TNFSF4: variants seen among roughly 807,000 people sequenced by gnomAD.
TNFSF4 encodes the protein tumor necrosis factor ligand superfamily member 4.
Under a neutral mutation model 7.3 loss-of-function variants are expected in TNFSF4, and 4 were observed. That is an observed-to-expected ratio of 0.55 (90% CI 0.27 to 1.25). The LOEUF is 1.25. TNFSF4 is among the 50% of genes most tolerant of loss of function. The pLI is 0.12. For synonymous variants in TNFSF4, 76 were observed against 83.7 expected, an observed-to-expected ratio of 0.91 and a Z score of 0.50; for missense variants, 181 against 208.8, an observed-to-expected ratio of 0.87 and a Z score of 0.82.
At chr1:173,297,175 C>T in the TNFSF4 span, among the ~76,000 whole-genome samples, 1 of 151,852 alleles carries the variant, frequency 6.6e-6, no homozygotes, top group African/African-American at 2.4e-5. Context: ...GAAAGGTAGC[C>T]AGCCTATCCT....
chr1:173,301,999 GA>G, the TNFSF4 span, among the ~76,000 whole-genome samples: 3 of 151,710 alleles, frequency 2.0e-5, no homozygotes, highest in East Asian at 1.9e-4. Flanking sequence ...ATTTATGGGA[GA>G]AAAAAAGCTA....
At chr1:173,302,354 T>C in the TNFSF4 span, among the ~76,000 whole-genome samples, 1 of 151,924 alleles carries the variant, frequency 6.6e-6, no homozygotes, top group African/African-American at 2.4e-5. Flanking sequence ...ACACTGATTG[T>C]AGAGAGTTCT....
chr1:173,326,861 TAA>T, the TNFSF4 span, among the ~76,000 whole-genome samples: 2 of 152,034 alleles, frequency 1.3e-5, no homozygotes, highest in Non-Finnish European at 2.9e-5. Context: ...CTCAATGAAA[TAA>T]AAGAGGACAC....
the TNFSF4 span, among the ~76,000 whole-genome samples, chr1:173,416,012 C>A: frequency 1.3e-5 from 2 of 152,170 alleles, no homozygotes; most frequent in African/African-American, 4.8e-5. Context: ...ACCGATGGGG[C>A]AGGGAGTAGG....
chr1:173,443,550 A>G, the TNFSF4 span, among the ~76,000 whole-genome samples: 1 of 152,216 alleles, frequency 6.6e-6, no homozygotes, highest in Non-Finnish European at 1.5e-5. Flanking sequence ...CTATTTTCGA[A>G]GAAAGATAGA....
At chr1:173,387,584 G>A in the TNFSF4 span, among the ~76,000 whole-genome samples, 3 of 152,194 alleles carry the variant, frequency 2.0e-5, no homozygotes, top group Non-Finnish European at 4.4e-5. Flanking sequence ...GACAGGTTGA[G>A]TTAAGAGATT....
the TNFSF4 span, among the ~76,000 whole-genome samples, chr1:173,432,405 G>T: frequency 6.6e-6 from 1 of 152,274 alleles, no homozygotes; most frequent in East Asian, 1.9e-4. Context: ...AGTTCATAAG[G>T]GTAGGGCCCT....
chr1:173,325,401 C>T, the TNFSF4 span, among the ~76,000 whole-genome samples: 1 of 151,942 alleles, frequency 6.6e-6, no homozygotes, highest in East Asian at 1.9e-4. Context: ...AAATGGCCCA[C>T]AAGAGAAAGC....
chr1:173,173,045 C>T, the TNFSF4 span, among the ~76,000 whole-genome samples: 2 of 152,202 alleles, frequency 1.3e-5, no homozygotes, highest in Admixed American at 1.3e-4. Context: ...GATCTCATGA[C>T]TACTCCCTCA....
the TNFSF4 span, among the ~76,000 whole-genome samples, chr1:173,420,925 A>G: frequency 6.6e-6 from 1 of 152,188 alleles, no homozygotes; most frequent in Non-Finnish European, 1.5e-5. Flanking sequence ...AAAGACCTTT[A>G]TTAATAACAA....
the TNFSF4 span, among the ~76,000 whole-genome samples, chr1:173,384,831 G>A: frequency 6.6e-6 from 1 of 152,046 alleles, no homozygotes; most frequent in Non-Finnish European, 1.5e-5. Context: ...TCATGAATAT[G>A]TTCTTATATT....
At chr1:173,338,829 T>G in the TNFSF4 span, among the ~76,000 whole-genome samples, 1 of 152,134 alleles carries the variant, frequency 6.6e-6, no homozygotes, top group Non-Finnish European at 1.5e-5. Flanking sequence ...GCCCAGACAC[T>G]TGAGGATCCT....
chr1:173,397,046 GA>G, the TNFSF4 span, among the ~76,000 whole-genome samples: 2 of 152,220 alleles, frequency 1.3e-5, no homozygotes, highest in African/African-American at 4.8e-5. Flanking sequence ...TACCATCATG[GA>G]CAGCAGAGTC....
chr1:173,339,866 CA>C, the TNFSF4 span, among the ~76,000 whole-genome samples: 1 of 152,098 alleles, frequency 6.6e-6, no homozygotes, highest in Non-Finnish European at 1.5e-5. Context: ...CCAAGTTAAT[CA>C]GGGGTAGACT....
At chr1:173,413,739 T>C in the TNFSF4 span, among the ~76,000 whole-genome samples, 1 of 152,188 alleles carries the variant, frequency 6.6e-6, no homozygotes, top group African/African-American at 2.4e-5. Flanking sequence ...TGATCCTCCA[T>C]CCTTCCTGCC....
chr1:173,416,505 C>T, the TNFSF4 span, among the ~76,000 whole-genome samples: 1 of 152,216 alleles, frequency 6.6e-6, no homozygotes, highest in East Asian at 1.9e-4. Context: ...CCCTCCCCAA[C>T]AGGGCCCAAG....
the TNFSF4 span, among the ~76,000 whole-genome samples, chr1:173,394,990 A>AGAT: frequency 2.1e-5 from 2 of 96,538 alleles, no homozygotes; most frequent in African/African-American, 1.1e-4. Context: ...GAGGACACAT[A>AGAT]GATAGATAGA....
At chr1:173,189,760 T>G (rs1034655549) in intron 1 of TNFSF4, among the ~76,000 whole-genome samples, 3 of 152,122 alleles carry the variant, frequency 2.0e-5, no homozygotes, top group African/African-American at 7.2e-5. Context: ...TTAATGTATC[T>G]GAAAGAATAC....
chr1:173,396,224 T>C, the TNFSF4 span, among the ~76,000 whole-genome samples: 1 of 152,148 alleles, frequency 6.6e-6, no homozygotes, highest in Non-Finnish European at 1.5e-5. Flanking sequence ...TATTAAAGGT[T>C]TGGAGCCAAG....
Sources: allele counts gnomAD v4.1 joint callset (sites outside exome capture counted in the v4.1 genomes callset), GRCh38; gene constraint gnomAD v4.1.1; transcripts MANE v1.5; gene names NCBI Gene and HGNC (gene_info 2026-07-23, HGNC 2026-07-21).